NAA11: variants seen among roughly 807,000 people sequenced by gnomAD.
The protein encoded by NAA11 is N-alpha-acetyltransferase 11, NatA catalytic subunit, also known as N-alpha-acetyltransferase 11.
In NAA11, 15 loss-of-function variants were observed where a neutral mutation model predicts 16.1. The ratio of observed to expected loss-of-function variants is 0.93; its 90% CI spans 0.62 to 1.44. The LOEUF (loss-of-function observed/expected upper bound fraction) is 1.44, where lower values mean the gene tolerates loss of function less well. NAA11 is among the 40% of genes most tolerant of loss of function. The probability of loss-of-function intolerance (pLI) is 0.00; values close to 1 mark genes in which losing one functional copy is unlikely to be tolerated. For missense variants in NAA11, 298 were observed against 291.3 expected (o/e 1.02, Z -0.17); for synonymous variants, 122 against 112.4 (o/e 1.09, Z -0.54).
At chr4:79,321,222 CTG>C (rs1412074279) in intron 1 of NAA11, among the ~76,000 whole-genome samples, 4 of 152,330 alleles carry the variant, frequency 2.6e-5, no homozygotes, top group Admixed American at 2.6e-4. Flanking sequence ...TTGCTTCTAA[CTG>C]GGCATGGAAG....
chr4:79,239,776 C>T (rs1474111735), intron 2 of NAA11, among the ~76,000 whole-genome samples: 1 of 152,116 alleles, frequency 6.6e-6, no homozygotes, highest in Non-Finnish European at 1.5e-5. Flanking sequence ...TATATTAATG[C>T]CCACCAAGGG....
the NAA11 span, among the ~76,000 whole-genome samples, chr4:79,213,191 A>C: frequency 6.6e-6 from 1 of 152,176 alleles, no homozygotes; most frequent in East Asian, 1.9e-4. Flanking sequence ...CAGGATGACA[A>C]CTGTATTCAT....
Position 79,259,448 on chromosome 4 carries a change from C to T in NAA11, c.*123-33178G>A, listed in dbSNP as rs571289992. 2.2e-3 allele frequency among the ~76,000 whole-genome samples: 339 copies of T among 152,300 alleles called. 4 individuals carry two copies. The highest frequency in any genetic ancestry group is 7.7e-3 in the African/African-American group (321 of 41,558). On this transcript the variant is annotated intron_variant and NMD_transcript_variant, in intron 2 of 2. Coordinates refer to the NAA11 transcript ENST00000511542. Reference sequence around the variant, plus strand: ...ATGCCCTGCTGCAGCTGCCAGTGTGCCTGACTGTGAACAGTGGTCAAACAC... The same window carrying T: ...ATGCCCTGCTGCAGCTGCCAGTGTGTCTGACTGTGAACAGTGGTCAAACAC...
intron 2 of NAA11, among the ~76,000 whole-genome samples, chr4:79,270,127 T>A (rs1400965732): frequency 1.3e-5 from 2 of 150,704 alleles, no homozygotes; most frequent in Non-Finnish European, 3.0e-5. Flanking sequence ...AAGTTTGAAG[T>A]CAGGTAGTGT....
chr4:79,198,233 G>T, the NAA11 span, among the ~76,000 whole-genome samples: 1 of 151,818 alleles, frequency 6.6e-6, no homozygotes, highest in Admixed American at 6.6e-5. Flanking sequence ...CATGGTCCAG[G>T]TAGATTCTAT....
At chr4:79,257,433 T>C (rs1722143523) in intron 2 of NAA11, among the ~76,000 whole-genome samples, 1 of 152,202 alleles carries the variant, frequency 6.6e-6, no homozygotes, top group South Asian at 2.1e-4. Flanking sequence ...GCAAGAGATT[T>C]TTTTTTAATT....
the NAA11 span, among the ~76,000 whole-genome samples, chr4:79,218,347 T>G: frequency 6.6e-6 from 1 of 152,070 alleles, no homozygotes; most frequent in African/African-American, 2.4e-5. Context: ...AAGTTAGTTT[T>G]TTTTTTTTGG....
chr4:79,186,250 A>T, the NAA11 span, among the ~76,000 whole-genome samples: 1 of 152,198 alleles, frequency 6.6e-6, no homozygotes, highest in East Asian at 1.9e-4. Flanking sequence ...TACCTGTTGA[A>T]TTTGGCTATA....
chr4:79,218,589 G>A, the NAA11 span, among the ~76,000 whole-genome samples: 2 of 151,880 alleles, frequency 1.3e-5, no homozygotes, highest in Admixed American at 6.6e-5. Context: ...TTACCTATCA[G>A]GAGTATAAAA....
At chr4:79,184,982 A>G in the NAA11 span, among the ~76,000 whole-genome samples, 2 of 152,148 alleles carry the variant, frequency 1.3e-5, no homozygotes, top group Non-Finnish European at 2.9e-5. Context: ...GTGCTTATTT[A>G]CTGCACTGAA....
the NAA11 span, among the ~76,000 whole-genome samples, chr4:79,208,758 C>G: frequency 6.6e-6 from 1 of 150,886 alleles, no homozygotes. Context: ...AGGATAATAC[C>G]TCTTCATAGA....
chr4:79,237,773 G>T lies in NAA11; in HGVS notation c.*123-11503C>A, dbSNP rs898983349. ...TTCAAACGTTTACTTCCAAAGTAAA[G>T]CTTCCAAGCTACATGTGGGTCATAT... On this transcript the variant is annotated intron_variant and NMD_transcript_variant, in intron 2 of 2. Transcript: ENST00000511542. Among the ~76,000 whole-genome samples the T allele has an allele frequency of 2.6e-5, 4 of 152,162 alleles. No homozygotes were observed. In the South Asian group the frequency reaches 6.2e-4, roughly 24 times the overall value.
At chr4:79,235,624 T>C (rs1196635432) in intron 2 of NAA11, among the ~76,000 whole-genome samples, 1 of 152,168 alleles carries the variant, frequency 6.6e-6, no homozygotes. Context: ...TTGTTGCTGT[T>C]AACAGGATAG....
At chr4:79,242,529 A>C (rs1721721920) in intron 2 of NAA11, among the ~76,000 whole-genome samples, 1 of 152,218 alleles carries the variant, frequency 6.6e-6, no homozygotes, top group East Asian at 1.9e-4. Context: ...AGAGAAAGGA[A>C]CTTCCAAATG....
chr4:79,251,231 C>G (rs1721986528), intron 2 of NAA11, among the ~76,000 whole-genome samples: 1 of 152,136 alleles, frequency 6.6e-6, no homozygotes, highest in African/African-American at 2.4e-5. Context: ...AACATAGATG[C>G]CCATCAATGG....
intron 2 of NAA11, chr4:79,227,275 A>G (rs1045859934): frequency 1.3e-5 from 2 of 152,070 alleles, no homozygotes; most frequent in African/African-American, 2.4e-5. Flanking sequence ...ACAAAAGGCT[A>G]ATATCCAGAA....
At chr4:79,224,180 A>G (rs1215149016), downstream of NAA11, among the ~76,000 whole-genome samples, 7 of 152,146 alleles carry the variant, frequency 4.6e-5, no homozygotes. Context: ...AAGCATGTTC[A>G]GCAGGCAAGA....
At chr4:79,323,729 C>T (rs891329460) in intron 1 of NAA11, among the ~76,000 whole-genome samples, 2 of 149,992 alleles carry the variant, frequency 1.3e-5, no homozygotes, top group Non-Finnish European at 3.0e-5. Flanking sequence ...GCTGAGGCAG[C>T]GGAATGGCGT....
the NAA11 span, among the ~76,000 whole-genome samples, chr4:79,217,302 C>T: frequency 6.6e-6 from 1 of 152,158 alleles, no homozygotes; most frequent in African/African-American, 2.4e-5. Flanking sequence ...TGGAAAGCTA[C>T]TACCTATCAA....
Sources: gnomAD v4.1 joint callset for allele counts (sites outside exome capture counted in the v4.1 genomes callset) on GRCh38, gnomAD v4.1.1 for gene constraint, MANE v1.5 for transcripts, NCBI Gene and HGNC (gene_info 2026-07-23, HGNC 2026-07-21) for gene names.